CDS1: variants seen among roughly 807,000 people sequenced by gnomAD.
The protein encoded by CDS1 is CDP-diacylglycerol synthase 1.
CDS1 carries 41 observed loss-of-function variants against 62.1 expected under a neutral mutation model. The ratio of observed to expected loss-of-function variants is 0.66; its 90% CI spans 0.51 to 0.86. The LOEUF (loss-of-function observed/expected upper bound fraction) is 0.86, where lower values mean the gene tolerates loss of function less well. Ranked by LOEUF, CDS1 falls within the 40% of genes least tolerant of loss-of-function variation. The pLI, the probability that CDS1 is intolerant of heterozygous loss-of-function variation, is 0.00. For missense variants in CDS1, 470 were observed against 550.1 expected, an observed-to-expected ratio of 0.85 and a Z score of 1.46; for synonymous variants, 185 against 192.6, an observed-to-expected ratio of 0.96 and a Z score of 0.32.
intron 5 of CDS1, among the ~76,000 whole-genome samples, chr4:84,623,940 G>A (rs936562019): frequency 6.6e-6 from 1 of 151,982 alleles, no homozygotes; most frequent in African/African-American, 2.4e-5. Context: ...GTTCTGAATG[G>A]GGAGCATGCC....
chr4:84,616,784 A>G (rs2148646524), intron 3 of CDS1, among the ~76,000 whole-genome samples: 1 of 152,342 alleles, frequency 6.6e-6, no homozygotes, highest in East Asian at 1.9e-4. Context: ...ATCTTGAGAA[A>G]TTACCTTCAC....
Position 84,604,321 on chromosome 4 carries a change from G to A in CDS1, c.196G>A (p.Asp66Asn). ...TATTCCGGAAATTCCACCATCCTCA[G>A]ATAGAACCCCTGAGATTCTCAAAAA... ...SDIPEIPPSS[D>N]RTPEILKKAL... The change falls in exon 2 of 13, where the codon GAT becomes AAT. Residue 66 changes from aspartate (D) to asparagine (N), a missense_variant. Physicochemically the swap from Asp to Asn is conservative, Grantham distance 23. This residue lies in a region of CDS1 where 150 missense variants were observed against 142.0 expected (regional missense o/e 1.06). Coordinates refer to ENST00000295887, the MANE Select transcript of CDS1 (RefSeq NM_001263.4). 6.2e-7 allele frequency: 1 copy of A among 1,613,154 alleles called. No individual in the cohort carries two copies. The highest frequency in any genetic ancestry group is 8.5e-7 in the Non-Finnish European group (1 of 1,179,232).
intron 10 of CDS1, among the ~76,000 whole-genome samples, chr4:84,642,716 G>A (rs1448220773): frequency 1.3e-5 from 2 of 152,136 alleles, no homozygotes; most frequent in Non-Finnish European, 2.9e-5. Flanking sequence ...AAATAACACA[G>A]CTGATTCTTT....
chr4:84,605,070 A>G (rs1328811963), intron 2 of CDS1, among the ~76,000 whole-genome samples: 1 of 152,242 alleles, frequency 6.6e-6, no homozygotes, highest in African/African-American at 2.4e-5. Flanking sequence ...TAGTAATATG[A>G]ATTATAAAAT....
chr4:84,595,787 T>A (rs1722730691), intron 1 of CDS1, among the ~76,000 whole-genome samples: 1 of 152,262 alleles, frequency 6.6e-6, no homozygotes, highest in African/African-American at 2.4e-5. Context: ...CTTAATTTTC[T>A]CTGTTCTTTT....
chr4:84,583,491 C>T lies in CDS1; in HGVS notation c.90C>T (p.Asp30=). The T allele has an allele frequency of 6.5e-7, 1 of 1,547,466 alleles. No homozygotes were observed. The highest frequency in any genetic ancestry group is 8.7e-7 in the Non-Finnish European group (1 of 1,148,698). Residue 30 remains aspartate (D), a synonymous_variant, in exon 1 of 13, where the codon GAC becomes GAT. Coordinates refer to ENST00000295887, the MANE Select transcript of CDS1 (RefSeq NM_001263.4). The part of the protein sequence containing the change: ...PHREGEAAGG[D]HETESTSDKE... ...GCGAGGGAGAGGCGGCCGGCGGCGA[C>T]CACGAAACCGAGAGCACCAGCGACA...
In CDS1 at chr4:84,650,508, A is replaced by G. The variant is rs1389057139; in HGVS notation, c.*1822A>G. 6.6e-6 allele frequency: 1 copy of G among 152,210 alleles called. No homozygotes were observed. Among genetic ancestry groups the G allele is most frequent in the Non-Finnish European group, 1.5e-5 (1 of 68,038 alleles). 9.4% of individuals were successfully genotyped at this position (152,210 alleles called of 1,614,324 possible). A position where few individuals can be genotyped will look rare whatever the true frequency, so the allele number is the denominator to read the frequency against. ...TACCAAAGTTTAAAGAATAAAATGA[A>G]AATTTTATAAGAACTTACATTAAAA... On this transcript the variant is annotated 3_prime_UTR_variant, in exon 13 of 13. Transcript: ENST00000295887.
At chr4:84,590,300 C>G (rs1241899354) in intron 1 of CDS1, among the ~76,000 whole-genome samples, 1 of 152,166 alleles carries the variant, frequency 6.6e-6, no homozygotes, top group Admixed American at 6.5e-5. Context: ...TTGTAAACAT[C>G]ATGAACTCCT....
Position 84,643,057 on chromosome 4 carries a change from A to G in CDS1, c.1066A>G (p.Ser356Gly), listed in dbSNP as rs139701286. Residue 356 changes from serine to glycine, a missense_variant, in exon 11 of 13, where the codon AGC (serine) becomes GGC (glycine). Ser to Gly is a moderately conservative substitution (Grantham distance 56, BLOSUM62 0). Around this residue, in one of 5 missense-constraint regions of CDS1, gnomAD observed 214 missense variants for 242.4 expected, o/e 0.88. Coordinates refer to ENST00000295887, the MANE Select transcript of CDS1 (RefSeq NM_001263.4). ...GAGCTTGTACCCTTTCCAGATCCACAGCATTGCACTGTCAACCTTTGCATC... is the reference window on the plus strand; with the variant it reads ...GAGCTTGTACCCTTTCCAGATCCACGGCATTGCACTGTCAACCTTTGCATC... ...RVSLYPFQIH[S>G]IALSTFASLI... 1,448 of 1,610,466 alleles carry G rather than the reference A, an allele frequency of 9.0e-4. No homozygotes were observed. The highest frequency in any genetic ancestry group is 2.5e-3 in the Middle Eastern group (15 of 6,048).
rs1367206647 is a variant in CDS1 at position 84,624,296 on chromosome 4, A to C, written c.580+4763A>C. ...CTCAAAAAAAAAAAAACAAACAAAA[A>C]AAAAAAAACTAGTTTTTTTTTTTAA... On this transcript the variant is annotated intron_variant, in intron 5 of 12. Coordinates refer to ENST00000295887, the MANE Select transcript of CDS1 (RefSeq NM_001263.4). 6.5e-3 allele frequency among the ~76,000 whole-genome samples: 981 copies of C among 151,140 alleles called. 13 individuals are homozygous for C. Among genetic ancestry groups the C allele is most frequent in the African/African-American group, 0.022 (925 of 41,178 alleles).
chr4:84,635,621 G>GCCTGCCTGCCTGCCTTCCTT (rs1724168252), intron 8 of CDS1, among the ~76,000 whole-genome samples: 1 of 84,810 alleles, frequency 1.2e-5, no homozygotes, highest in East Asian at 5.3e-4. Flanking sequence ...CTGCCTGCCT[G>GCCTGCCTGCCTGCCTTCCTT]CCTGCCTTCC....
intron 1 of CDS1, among the ~76,000 whole-genome samples, chr4:84,588,330 A>C (rs1267254220): frequency 6.6e-6 from 1 of 152,244 alleles, no homozygotes; most frequent in Non-Finnish European, 1.5e-5. Context: ...AGCTTCTTTC[A>C]TAAATACATT....
At chr4:84,602,424 G>A (rs1018901305) in intron 1 of CDS1, among the ~76,000 whole-genome samples, 16 of 152,164 alleles carry the variant, frequency 1.1e-4, no homozygotes, top group Admixed American at 6.5e-4. Flanking sequence ...AGCACAATTT[G>A]AATGCTAGTC....
chr4:84,597,083 A>T (rs1392341888), intron 1 of CDS1, among the ~76,000 whole-genome samples: 5 of 152,162 alleles, frequency 3.3e-5, no homozygotes, highest in Admixed American at 6.5e-5. Flanking sequence ...GTTGAGACAC[A>T]TTTGGTTTTC....
intron 3 of CDS1, among the ~76,000 whole-genome samples, chr4:84,613,954 T>A (rs1723411393): frequency 6.6e-6 from 1 of 152,214 alleles, no homozygotes; most frequent in South Asian, 2.1e-4. Context: ...AAATAGATAA[T>A]TAAAAATAAT....
chr4:84,608,439 G>A (rs1385075526), intron 2 of CDS1, among the ~76,000 whole-genome samples: 1 of 152,156 alleles, frequency 6.6e-6, no homozygotes, highest in African/African-American at 2.4e-5. Context: ...CTCCCAAAGT[G>A]CTGAGATTAC....
chr4:84,635,022 T>TAATATTTTCCTGAGC (rs3840106), intron 7 of CDS1, among the ~76,000 whole-genome samples: 1 of 151,624 alleles, frequency 6.6e-6, no homozygotes, highest in African/African-American at 2.4e-5. Flanking sequence ...ATCAATAATT[T>TAATATTTTCCTGAGC]AATATTTTCC....
intron 3 of CDS1, among the ~76,000 whole-genome samples, chr4:84,613,789 C>T (rs1353026254): frequency 6.6e-6 from 1 of 152,118 alleles, no homozygotes; most frequent in African/African-American, 2.4e-5. Flanking sequence ...CAGATGTGAA[C>T]ATATAGAAGA....
chr4:84,626,577 C>T (rs534831023), intron 5 of CDS1, among the ~76,000 whole-genome samples: 8 of 152,264 alleles, frequency 5.3e-5, no homozygotes, highest in South Asian at 2.1e-4. Context: ...TGTATTACCA[C>T]GCCCAGCTCT....
Sources: allele counts gnomAD v4.1 joint callset (sites outside exome capture counted in the v4.1 genomes callset), GRCh38; gene constraint gnomAD v4.1.1; regional missense constraint gnomAD v4.1.1; transcripts MANE v1.5; gene names NCBI Gene and HGNC (gene_info 2026-07-23, HGNC 2026-07-21).